The following KANK1 variants were observed in gnomAD, a reference collection of about 807,000 sequenced individuals.
KANK1 encodes KN motif and ankyrin repeat domains 1, also known as KN motif and ankyrin repeat domain-containing protein 1.
In KANK1, 109 loss-of-function variants were observed where a neutral mutation model predicts 106.2. The ratio of observed to expected loss-of-function variants is 1.03; its 90% CI spans 0.88 to 1.20. KANK1 has a LOEUF of 1.20. Ranked by LOEUF, KANK1 falls within the 50% of genes most tolerant of loss-of-function variation. The pLI is 0.00. For missense variants in KANK1, 2,399 were observed against 1,710.7 expected (o/e 1.40, Z -7.10); for synonymous variants, 873 against 652.2 (o/e 1.34, Z -5.16).
intron 3 of KANK1, among the ~76,000 whole-genome samples, chr9:724,517 G>T (rs748717636): frequency 6.6e-6 from 1 of 151,944 alleles, no homozygotes; most frequent in African/African-American, 2.4e-5. Flanking sequence ...TGTTCTGGCG[G>T]CCAGGCACGG....
intron 1 of KANK1, among the ~76,000 whole-genome samples, chr9:594,059 C>T (rs959206140): frequency 6.6e-6 from 1 of 151,732 alleles, no homozygotes; most frequent in Non-Finnish European, 1.5e-5. Flanking sequence ...GTGCTGCGCT[C>T]GAGAGAACTG....
intron 1 of KANK1, among the ~76,000 whole-genome samples, chr9:653,290 C>T (rs1034811940): frequency 6.6e-6 from 1 of 152,036 alleles, no homozygotes; most frequent in African/African-American, 2.4e-5. Context: ...AATGAAAATG[C>T]GGTTCCCAGG....
chr9:606,386 G>A (rs901862719), intron 1 of KANK1, among the ~76,000 whole-genome samples: 4 of 146,958 alleles, frequency 2.7e-5, no homozygotes, highest in Middle Eastern at 3.4e-3. Context: ...GTGAAACCCC[G>A]TCTCTACTAA....
chr9:595,050 C>G (rs1336387661), intron 1 of KANK1, among the ~76,000 whole-genome samples: 1 of 151,920 alleles, frequency 6.6e-6, no homozygotes, highest in Non-Finnish European at 1.5e-5. Flanking sequence ...GAAAAGTTGC[C>G]TTTTAATTTA....
chr9:495,302 T>C (rs1156959919), intron 3 of KANK1: 1 of 152,232 alleles, frequency 6.6e-6, no homozygotes, highest in African/African-American at 2.4e-5. Context: ...AAGAAAAAAG[T>C]TGACTTAACC....
In KANK1 at chr9:572,686, A is replaced by G. The variant is rs138446913; in HGVS notation, c.-84+67932A>G. On this transcript the variant is annotated intron_variant, in intron 1 of 11. Coordinates refer to ENST00000382297, the MANE Select transcript of KANK1 (RefSeq NM_015158.5). ...GATTACAATATGGACATAAGCCACC[A>G]TGTCCAGCCCTACTTTTGCTTTTTT... 4.0e-3 allele frequency among the ~76,000 whole-genome samples: 602 copies of G among 152,252 alleles called. 3 individuals are homozygous for G. The highest frequency in any genetic ancestry group is 0.014 in the African/African-American group (581 of 41,548).
At chr9:565,289 C>T (rs557068078) in intron 1 of KANK1, among the ~76,000 whole-genome samples, 4 of 152,256 alleles carry the variant, frequency 2.6e-5, no homozygotes, top group Admixed American at 2.0e-4. Context: ...AGACTTAAGC[C>T]ATAGTTCTTG....
At chr9:535,168 T>C (rs1459468781) in intron 1 of KANK1, among the ~76,000 whole-genome samples, 1 of 152,202 alleles carries the variant, frequency 6.6e-6, no homozygotes, top group Non-Finnish European at 1.5e-5. Flanking sequence ...GCCTCCTTTT[T>C]TTCTTTCTCT....
rs138588338 is a variant in KANK1, at chr9:476,699, G to T, written c.-362+3426G>T. On this transcript the variant is annotated intron_variant, in intron 3 of 15. Coordinates refer to the KANK1 transcript ENST00000382303. ...CAAGATTTTGGCCATGATGGACTCT[G>T]TTCTCTGCACACTAAGAGATTTATC... 2.7e-4 allele frequency: 41 copies of T among 152,278 alleles called. No homozygotes were observed. In the East Asian group the frequency reaches 7.3e-3, roughly 27 times the overall value. The allele number at this position is 152,278 out of a possible 1,614,324, so 9.4% of individuals were successfully genotyped here.
At chr9:688,509 G>C (rs551528820) in intron 2 of KANK1, among the ~76,000 whole-genome samples, 4 of 152,092 alleles carry the variant, frequency 2.6e-5, no homozygotes, top group Non-Finnish European at 5.9e-5. Context: ...GGGAGGCTGA[G>C]GCAGGAGAAT....
intron 3 of KANK1, among the ~76,000 whole-genome samples, chr9:726,463 A>G (rs1337015843): frequency 2.0e-5 from 3 of 152,028 alleles, no homozygotes; most frequent in Non-Finnish European, 2.9e-5. Flanking sequence ...ACATGGTGAA[A>G]CCGAGTCTCT....
chr9:513,055 G>T (rs2059105811), intron 1 of KANK1, among the ~76,000 whole-genome samples: 1 of 152,208 alleles, frequency 6.6e-6, no homozygotes, highest in African/African-American at 2.4e-5. Context: ...AATGGTTGAG[G>T]CTTGACAATG....
chr9:676,180 G>A (rs1008814059), intron 1 of KANK1, among the ~76,000 whole-genome samples: 1 of 152,110 alleles, frequency 6.6e-6, no homozygotes, highest in Non-Finnish European at 1.5e-5. Context: ...CTCATCCTGT[G>A]ACTAAGAATG....
chr9:711,385 C>A lies in KANK1; in HGVS notation c.619C>A (p.Pro207Thr). Residue 207 changes from proline to threonine, a missense_variant, in exon 3 of 12, where the codon CCT becomes ACT. Transcript: ENST00000382297. ...PSFVGSGNHN[P>T]AKHQLQNGYQ... Reference sequence around the variant, plus strand: ...TTTTGTGGGTTCTGGAAACCACAATCCTGCCAAGCACCAGCTTCAGAATGG... The same window carrying A: ...TTTTGTGGGTTCTGGAAACCACAATACTGCCAAGCACCAGCTTCAGAATGG... 6.2e-7 allele frequency: 1 copy of A among 1,614,184 alleles called. No homozygotes were observed. The highest frequency in any genetic ancestry group is 8.5e-7 in the Non-Finnish European group (1 of 1,180,028).
At position 677,271 on chromosome 9, in the gene KANK1, AC is replaced by A. The variant is rs144045074; in HGVS notation, c.37+263del. On this transcript the variant is annotated intron_variant, in intron 2 of 11. Transcript: ENST00000382297. ...GAAGTGTTGAAAGACAAATGTAAAT[AC>A]TGAATGCTGATGCAAATGTAATGTA... Among the ~76,000 whole-genome samples the A allele has an allele frequency of 2.2e-3, 335 of 152,318 alleles. 3 individuals carry two copies. Among genetic ancestry groups the A allele is most frequent in the African/African-American group, 7.9e-3 (327 of 41,552 alleles).
At chr9:671,713 A>T (rs546491353) in intron 1 of KANK1, among the ~76,000 whole-genome samples, 1 of 151,812 alleles carries the variant, frequency 6.6e-6, no homozygotes, top group East Asian at 1.9e-4. Context: ...TCCAAGGAAT[A>T]AGGTTGCAAA....
intron 2 of KANK1, among the ~76,000 whole-genome samples, chr9:682,077 C>T (rs1240222722): frequency 6.6e-5 from 10 of 151,906 alleles, no homozygotes; most frequent in Admixed American, 3.9e-4. Context: ...GTCAGGAGCT[C>T]GAGACCAGCC....
chr9:474,196 C>G (rs957864588), intron 3 of KANK1, among the ~76,000 whole-genome samples: 1 of 152,154 alleles, frequency 6.6e-6, no homozygotes, highest in East Asian at 1.9e-4. Flanking sequence ...GTGATGAACA[C>G]ATCACTGTAG....
chr9:516,989 A>G (rs2059306406), intron 1 of KANK1, among the ~76,000 whole-genome samples: 1 of 141,918 alleles, frequency 7.0e-6, no homozygotes, highest in Admixed American at 6.9e-5. Flanking sequence ...TCTATTCTTC[A>G]TCACCCTCTA....
Sources: gnomAD v4.1 joint callset for allele counts (sites outside exome capture counted in the v4.1 genomes callset) on GRCh38, gnomAD v4.1.1 for gene constraint, MANE v1.5 for transcripts, NCBI Gene and HGNC (gene_info 2026-07-23, HGNC 2026-07-21) for gene names.